KIAA0825: variants seen among roughly 807,000 people sequenced by gnomAD.
KIAA0825 encodes KIAA0825, also known as uncharacterized protein KIAA0825.
KIAA0825 carries 119 observed loss-of-function variants against 147.6 expected under a neutral mutation model. The ratio of observed to expected loss-of-function variants is 0.81; its 90% CI spans 0.69 to 0.94. The LOEUF (loss-of-function observed/expected upper bound fraction) is 0.94, where lower values mean the gene tolerates loss of function less well. KIAA0825 is among the 40% of genes least tolerant of loss of function. KIAA0825 has a pLI of 0.00. For missense variants in KIAA0825, 1,381 were observed against 1,472.7 expected (o/e 0.94, Z 1.02); for synonymous variants, 470 against 518.1 (o/e 0.91, Z 1.26).
chr5:94,402,945 A>G (rs1484277208), intron 16 of KIAA0825, among the ~76,000 whole-genome samples: 1 of 152,056 alleles, frequency 6.6e-6, no homozygotes, highest in Non-Finnish European at 1.5e-5. Context: ...AGAAGAGAGG[A>G]CTTGACTAAT....
chr5:94,314,983 G>A (rs1485552999), intron 20 of KIAA0825, among the ~76,000 whole-genome samples: 2 of 151,478 alleles, frequency 1.3e-5, no homozygotes, highest in South Asian at 2.1e-4. Flanking sequence ...CATTGGCAGC[G>A]GACAGAGCTC....
intron 20 of KIAA0825, among the ~76,000 whole-genome samples, chr5:94,276,547 G>A (rs972019716): frequency 2.0e-5 from 3 of 151,956 alleles, no homozygotes; most frequent in African/African-American, 4.8e-5. Context: ...ATATCAGATG[G>A]GGGCGTACCA....
chr5:94,550,063 G>T (rs1448057713), intron 2 of KIAA0825, among the ~76,000 whole-genome samples: 2 of 152,008 alleles, frequency 1.3e-5, no homozygotes, highest in East Asian at 3.9e-4. Flanking sequence ...GTACTCTTCA[G>T]CCATAAAAAA....
intron 20 of KIAA0825, among the ~76,000 whole-genome samples, chr5:94,297,152 G>A (rs1383560069): frequency 4.6e-5 from 7 of 152,078 alleles, no homozygotes; most frequent in Admixed American, 2.6e-4. Context: ...ATGGAAACTC[G>A]GCTGCATGTG....
intron 20 of KIAA0825, among the ~76,000 whole-genome samples, chr5:94,313,199 A>T (rs1230225389): frequency 2.6e-5 from 4 of 151,682 alleles, no homozygotes; most frequent in Admixed American, 1.3e-4. Flanking sequence ...AGTGGTACTT[A>T]AGAACACAGA....
At chr5:94,393,700 C>T (rs1750220736) in intron 17 of KIAA0825, among the ~76,000 whole-genome samples, 1 of 152,054 alleles carries the variant, frequency 6.6e-6, no homozygotes, top group Non-Finnish European at 1.5e-5. Flanking sequence ...AACCCTCTAC[C>T]TAATACAGGC....
intron 20 of KIAA0825, among the ~76,000 whole-genome samples, chr5:94,242,957 T>C (rs1354126461): frequency 1.4e-4 from 21 of 152,160 alleles, no homozygotes; most frequent in Admixed American, 1.3e-3. Context: ...TTATATGGAA[T>C]TTTTTAGTTC....
intron 1 of KIAA0825, among the ~76,000 whole-genome samples, chr5:94,604,509 A>C (rs1368049759): frequency 6.6e-6 from 1 of 152,154 alleles, no homozygotes; most frequent in Non-Finnish European, 1.5e-5. Context: ...CAGTGAGCTG[A>C]GATTGCACCA....
intron 20 of KIAA0825, among the ~76,000 whole-genome samples, chr5:94,356,241 T>G (rs1200934551): frequency 6.6e-6 from 1 of 152,150 alleles, no homozygotes; most frequent in Non-Finnish European, 1.5e-5. Flanking sequence ...CTTCCAGTTG[T>G]GCAAAAAGCA....
intron 2 of KIAA0825, among the ~76,000 whole-genome samples, chr5:94,564,537 A>AGTGTGTGT (rs56256662): frequency 1.5e-4 from 5 of 32,922 alleles, no homozygotes; most frequent in South Asian, 2.2e-3. Context: ...CTTATTTTTG[A>AGTGTGTGT]GTGTGTGTGT....
chr5:94,443,101 T>C (rs973783630), intron 13 of KIAA0825, among the ~76,000 whole-genome samples: 1 of 152,190 alleles, frequency 6.6e-6, no homozygotes, highest in Non-Finnish European at 1.5e-5. Flanking sequence ...TGTTGACATG[T>C]ACCTCAATTC....
At chr5:94,564,953 TTTTC>T (rs1778341051) in intron 2 of KIAA0825, among the ~76,000 whole-genome samples, 1 of 143,058 alleles carries the variant, frequency 7.0e-6, no homozygotes, top group Admixed American at 6.8e-5. Context: ...CTCCCTTTTC[TTTTC>T]TTTTCTTTTC....
chr5:94,365,682 G>A (rs1745743919), intron 20 of KIAA0825, among the ~76,000 whole-genome samples: 1 of 152,194 alleles, frequency 6.6e-6, no homozygotes, highest in East Asian at 1.9e-4. Flanking sequence ...GATGTAGGCT[G>A]AGCTAACTTT....
chr5:94,449,827 C>T (rs545566497), intron 13 of KIAA0825, among the ~76,000 whole-genome samples: 1 of 152,146 alleles, frequency 6.6e-6, no homozygotes, highest in East Asian at 1.9e-4. Context: ...GCCTGCAATC[C>T]CAGCACTTTG....
At chr5:94,513,209 A>G (rs141604194) in intron 5 of KIAA0825, among the ~76,000 whole-genome samples, 2 of 152,214 alleles carry the variant, frequency 1.3e-5, no homozygotes, top group East Asian at 3.9e-4. Context: ...TAGATAATTT[A>G]TTTTTCTAAG....
intron 20 of KIAA0825, among the ~76,000 whole-genome samples, chr5:94,202,377 C>T (rs1465953049): frequency 2.0e-5 from 3 of 152,132 alleles, no homozygotes; most frequent in Admixed American, 6.5e-5. Context: ...AGTGAGGATG[C>T]GTCTCTGTGT....
At chr5:94,596,467 GT>G (rs548091384) in intron 1 of KIAA0825, among the ~76,000 whole-genome samples, 121 of 152,290 alleles carry the variant, frequency 7.9e-4, no homozygotes, top group Middle Eastern at 6.8e-3. Flanking sequence ...GTAACATGAT[GT>G]TTTGGTTACT....
chr5:94,251,199 AG>A (rs1354416087), intron 20 of KIAA0825, among the ~76,000 whole-genome samples: 2 of 152,128 alleles, frequency 1.3e-5, no homozygotes, highest in African/African-American at 4.8e-5. Context: ...AAGCACACAA[AG>A]GAGTTCAGCA....
At chr5:94,465,086 A>G (rs901338659) in intron 10 of KIAA0825, 27 bp from the exon 11 acceptor site, 5 of 1,536,302 alleles carry the variant, frequency 3.3e-6, no homozygotes, top group East Asian at 2.5e-5. Context: ...ACGTTAAACC[A>G]TAGAGTTACA....
Sources: gnomAD v4.1 joint callset for allele counts (sites outside exome capture counted in the v4.1 genomes callset) on GRCh38, gnomAD v4.1.1 for gene constraint, MANE v1.5 for transcripts, NCBI Gene and HGNC (gene_info 2026-07-23, HGNC 2026-07-21) for gene names.